Variants in DLGAP4 observed in about 807,000 individuals in gnomAD.
DLGAP4 encodes the protein disks large-associated protein 4.
In DLGAP4, 18 loss-of-function variants were observed where a neutral mutation model predicts 86.9. The observed-to-expected ratio is 0.21, with a 90% confidence interval of 0.14 to 0.31. The LOEUF (loss-of-function observed/expected upper bound fraction) is 0.31, where lower values mean the gene tolerates loss of function less well. Among genes scored for constraint, DLGAP4 ranks in the 10% least tolerant of loss-of-function variants. DLGAP4 has a pLI of 1.00. For synonymous variants in DLGAP4, 548 were observed against 574.3 expected (o/e 0.95, Z 0.65); for missense variants, 1,085 against 1,362.6 (o/e 0.80, Z 3.21).
At chr20:36,451,256 G>A (rs2033728176) in intron 7 of DLGAP4, among the ~76,000 whole-genome samples, 2 of 152,162 alleles carry the variant, frequency 1.3e-5, no homozygotes, top group Admixed American at 1.3e-4. Flanking sequence ...CCTCTCTCTT[G>A]ACTTGATGCC....
rs543012025 is a variant in DLGAP4 at position 36,321,320 on chromosome 20, A to C, written c.-304+14808A>C. 3.9e-5 allele frequency among the ~76,000 whole-genome samples: 6 copies of C among 152,376 alleles called. No homozygotes were observed. The South Asian group carries it at 1.2e-3, about 32-fold the overall frequency. ...GCACATGGGAGAATAGGGAGCAAGA[A>C]GACGGGCAGGGATGGGGTCTTTCAG... On this transcript the variant is annotated intron_variant, in intron 1 of 12. Coordinates refer to ENST00000339266, the MANE Select transcript of DLGAP4 (RefSeq NM_001365621.2).
intron 10 of DLGAP4, among the ~76,000 whole-genome samples, chr20:36,520,181 T>C (rs2037290161): frequency 6.6e-6 from 1 of 152,214 alleles, no homozygotes; most frequent in South Asian, 2.1e-4. Flanking sequence ...TTACTGAACA[T>C]CTATCTTTGG....
rs2034195587 is a variant in DLGAP4, at chr20:36,463,505, A to G, written c.1648+16568A>G. The stretch of plus-strand genomic sequence containing the variant: ...TTAACCTCCTCCCCACTACCTGGTT[A>G]TTCGAGAATGCACCTGCCCTTCCAA... On this transcript the variant is annotated intron_variant, in intron 7 of 12. Coordinates refer to ENST00000339266, the MANE Select transcript of DLGAP4 (RefSeq NM_001365621.2). Among the ~76,000 whole-genome samples the G allele has an allele frequency of 2.0e-5, 3 of 152,186 alleles. No individual in the cohort carries two copies. In the South Asian group the frequency reaches 6.2e-4, roughly 32 times the overall value.
rs116626514 is a variant in DLGAP4 at position 36,349,590 on chromosome 20, C to T, written c.-303-17455C>T. The stretch of plus-strand genomic sequence containing the variant: ...GTGCAAAGGCCCTGAGGCAGGAGTG[C>T]GCCTGGTTTGACAGAGAAACAGGAA... On this transcript the variant is annotated intron_variant, in intron 1 of 12. Coordinates refer to ENST00000339266, the MANE Select transcript of DLGAP4 (RefSeq NM_001365621.2). Among the ~76,000 whole-genome samples, 742 of 152,144 alleles carry T rather than the reference C, an allele frequency of 4.9e-3. 3 individuals carry two copies. Among genetic ancestry groups the T allele is most frequent in the African/African-American group, 0.017 (695 of 41,508 alleles).
At chr20:36,376,880 G>T (rs2031176472) in intron 2 of DLGAP4, among the ~76,000 whole-genome samples, 1 of 152,212 alleles carries the variant, frequency 6.6e-6, no homozygotes, top group South Asian at 2.1e-4. Flanking sequence ...TGGGAGGAGA[G>T]CGTGTCAAGG....
At chr20:36,424,858 C>T (rs2147526013) in intron 2 of DLGAP4, among the ~76,000 whole-genome samples, 1 of 152,106 alleles carries the variant, frequency 6.6e-6, no homozygotes, top group East Asian at 1.9e-4. Flanking sequence ...GCCTCTGCCT[C>T]CCAAGTGGCT....
intron 1 of DLGAP4, among the ~76,000 whole-genome samples, chr20:36,330,173 A>G (rs782801163): frequency 6.6e-6 from 1 of 152,228 alleles, no homozygotes; most frequent in Non-Finnish European, 1.5e-5. Flanking sequence ...GAAAAAAATG[A>G]CAATTAAAAC....
intron 2 of DLGAP4, among the ~76,000 whole-genome samples, chr20:36,415,427 A>G (rs763084315): frequency 5.3e-5 from 8 of 152,184 alleles, no homozygotes; most frequent in Non-Finnish European, 1.2e-4. Context: ...AGATGGCTAA[A>G]TAGAGACAGT....
At chr20:36,336,471 CA>C (rs1422612791) in intron 1 of DLGAP4, among the ~76,000 whole-genome samples, 1 of 152,234 alleles carries the variant, frequency 6.6e-6, no homozygotes, top group Non-Finnish European at 1.5e-5. Flanking sequence ...GCTGTGATCA[CA>C]CCCTGACATG....
In DLGAP4 at chr20:36,496,697, A is replaced by G. The variant is rs759293966; in HGVS notation, c.1649-8A>G. 1.9e-6 allele frequency: 3 copies of G among 1,595,394 alleles called. No homozygotes were observed. Among genetic ancestry groups the G allele is most frequent in the Non-Finnish European group, 1.7e-6 (2 of 1,165,342 alleles). ...CCTCTCCCCTGCCCTTCTCTCATCC[A>G]TCTGCAGGTTCATCATGCCTAGTGG... is the stretch of plus-strand genomic sequence containing the variant. On this transcript the variant is annotated splice_region_variant and splice_polypyrimidine_tract_variant and intron_variant, in intron 7 of 12. Coordinates refer to ENST00000339266, the MANE Select transcript of DLGAP4 (RefSeq NM_001365621.2).
intron 1 of DLGAP4, among the ~76,000 whole-genome samples, chr20:36,335,040 C>G (rs1382330252): frequency 6.6e-6 from 1 of 152,132 alleles, no homozygotes; most frequent in Non-Finnish European, 1.5e-5. Flanking sequence ...TTTGAAAAGG[C>G]CTTTTAATTA....
intron 10 of DLGAP4, among the ~76,000 whole-genome samples, chr20:36,513,759 T>C (rs902045090): frequency 4.6e-5 from 7 of 152,022 alleles, no homozygotes; most frequent in Non-Finnish European, 8.8e-5. Flanking sequence ...AGATTAGATA[T>C]GGGTAAGAGT....
intron 2 of DLGAP4, among the ~76,000 whole-genome samples, chr20:36,374,384 G>A (rs976579313): frequency 3.3e-5 from 5 of 152,208 alleles, no homozygotes; most frequent in African/African-American, 1.2e-4. Context: ...GCCAACCAGA[G>A]TGCTGGAAGA....
At chr20:36,430,000 C>T (rs541150583) in intron 2 of DLGAP4, among the ~76,000 whole-genome samples, 33 of 152,342 alleles carry the variant, frequency 2.2e-4, no homozygotes, top group Admixed American at 9.2e-4. Flanking sequence ...ATCCTCAGCA[C>T]ACCAGGCTCA....
chr20:36,319,642 G>GAT (rs1555890315), intron 1 of DLGAP4, among the ~76,000 whole-genome samples: 1 of 152,202 alleles, frequency 6.6e-6, no homozygotes, highest in Non-Finnish European at 1.5e-5. Context: ...CGGGGCCACA[G>GAT]ATGACTGGTC....
intron 2 of DLGAP4, among the ~76,000 whole-genome samples, chr20:36,380,593 AAG>A (rs57814145): frequency 8.3e-4 from 81 of 97,134 alleles, no homozygotes; most frequent in East Asian, 1.4e-3. Flanking sequence ...GTCTGCATTA[AAG>A]AGAGAGAGAG....
At chr20:36,435,804 T>C (rs992395048) in intron 3 of DLGAP4, among the ~76,000 whole-genome samples, 2 of 152,170 alleles carry the variant, frequency 1.3e-5, no homozygotes, top group Non-Finnish European at 2.9e-5. Context: ...GTGAAGTGAC[T>C]GTGGGGCTAA....
intron 2 of DLGAP4, among the ~76,000 whole-genome samples, chr20:36,417,919 G>A (rs2032708672): frequency 6.6e-6 from 1 of 151,996 alleles, no homozygotes; most frequent in Admixed American, 6.5e-5. Flanking sequence ...CGAGCAGCTG[G>A]GATTACAGGT....
chr20:36,324,472 T>G (rs2147349600), intron 1 of DLGAP4, among the ~76,000 whole-genome samples: 1 of 152,254 alleles, frequency 6.6e-6, no homozygotes, highest in Middle Eastern at 3.4e-3. Context: ...TACATTTAGG[T>G]CTTTGATCCA....
Sources: allele counts gnomAD v4.1 joint callset (sites outside exome capture counted in the v4.1 genomes callset), GRCh38; gene constraint gnomAD v4.1.1; transcripts MANE v1.5; gene names NCBI Gene and HGNC (gene_info 2026-07-23, HGNC 2026-07-21).